ZNF521: variants seen among roughly 807,000 people sequenced by gnomAD.
ZNF521 encodes LYST-interacting protein 3.
ZNF521 carries 14 observed loss-of-function variants against 105.5 expected under a neutral mutation model. The observed-to-expected ratio is 0.13, with a 90% CI of 0.09 to 0.21. ZNF521 has a LOEUF of 0.21. Among genes scored for constraint, ZNF521 ranks in the 10% least tolerant of loss-of-function variants. The pLI is 1.00. For missense variants in ZNF521, 1,233 were observed against 1,629.7 expected, an observed-to-expected ratio of 0.76 and a Z score of 4.19; for synonymous variants, 635 against 606.0, an observed-to-expected ratio of 1.05 and a Z score of -0.70.
intron 5 of ZNF521, among the ~76,000 whole-genome samples, chr18:25,105,367 T>G (rs1011568935): frequency 3.9e-5 from 6 of 152,172 alleles, no homozygotes; most frequent in African/African-American, 1.4e-4. Context: ...CTGCAAAATA[T>G]CAGACTTTGT....
intron 5 of ZNF521, among the ~76,000 whole-genome samples, chr18:25,190,485 C>G (rs1324381108): frequency 6.6e-6 from 1 of 152,108 alleles, no homozygotes; most frequent in African/African-American, 2.4e-5. Flanking sequence ...ATGCAAAGAT[C>G]CATATATTTG....
chr18:25,214,102 C>T (rs544686244), intron 4 of ZNF521, among the ~76,000 whole-genome samples: 10 of 152,176 alleles, frequency 6.6e-5, no homozygotes, highest in Admixed American at 2.0e-4. Flanking sequence ...ATCCAGGTAA[C>T]GCCTTGCTTT....
At chr18:25,256,498 G>T (rs148003281) in intron 3 of ZNF521, among the ~76,000 whole-genome samples, 2 of 152,230 alleles carry the variant, frequency 1.3e-5, no homozygotes, top group East Asian at 1.9e-4. Context: ...AGACAGTGAC[G>T]ATTCCAAGGA....
intron 5 of ZNF521, among the ~76,000 whole-genome samples, chr18:25,119,313 C>T (rs1407729098): frequency 3.3e-5 from 5 of 152,130 alleles, no homozygotes; most frequent in Admixed American, 2.6e-4. Flanking sequence ...CTCTCAACCA[C>T]CTTGACCTAA....
rs189817702 is a variant in ZNF521 at position 25,312,388 on chromosome 18, G to A, written c.220+9620C>T. ...ATATCAAGAAGAGAATGGCAGACCAGGTACTAATATTCAAAAACTTCTGCT... is the reference window on the plus strand; with the variant it reads ...ATATCAAGAAGAGAATGGCAGACCAAGTACTAATATTCAAAAACTTCTGCT... On this transcript the variant is annotated intron_variant, in intron 3 of 7. Coordinates refer to ENST00000361524, the MANE Select transcript of ZNF521 (RefSeq NM_015461.3). 2.6e-5 allele frequency among the ~76,000 whole-genome samples: 4 copies of A among 152,238 alleles called. No individual in the cohort carries two copies. The East Asian group carries it at 5.8e-4, about 22-fold the overall frequency.
At chr18:25,093,997 AC>A (rs1218841942) in intron 5 of ZNF521, among the ~76,000 whole-genome samples, 1 of 152,194 alleles carries the variant, frequency 6.6e-6, no homozygotes, top group African/African-American at 2.4e-5. Flanking sequence ...AATGCTACAT[AC>A]CTTTATTTTG....
chr18:25,130,957 T>A (rs2034630983), intron 5 of ZNF521, among the ~76,000 whole-genome samples: 1 of 151,742 alleles, frequency 6.6e-6, no homozygotes, highest in Non-Finnish European at 1.5e-5. Context: ...AATCAATCAA[T>A]CAATCAATCA....
chr18:25,096,676 C>G (rs1165482860), intron 5 of ZNF521, among the ~76,000 whole-genome samples: 1 of 152,158 alleles, frequency 6.6e-6, no homozygotes, highest in African/African-American at 2.4e-5. Flanking sequence ...CCCCTTATAT[C>G]GTCTGATCAA....
intron 7 of ZNF521, among the ~76,000 whole-genome samples, chr18:25,081,299 G>A (rs1007719052): frequency 1.7e-4 from 26 of 152,200 alleles, no homozygotes; most frequent in African/African-American, 6.0e-4. Context: ...AGGGCTGTTG[G>A]AGGAGGGAGC....
chr18:25,206,895 G>C (rs961156214), intron 4 of ZNF521, among the ~76,000 whole-genome samples: 1 of 152,084 alleles, frequency 6.6e-6, no homozygotes, highest in Non-Finnish European at 1.5e-5. Context: ...TGTACTCTTA[G>C]TAAATTTTTT....
chr18:25,280,904 T>G (rs1910330499), intron 3 of ZNF521, among the ~76,000 whole-genome samples: 1 of 152,150 alleles, frequency 6.6e-6, no homozygotes, highest in Admixed American at 6.5e-5. Context: ...ATACAAGGGC[T>G]CATGACAAAG....
intron 5 of ZNF521, among the ~76,000 whole-genome samples, chr18:25,167,531 C>T (rs146106131): frequency 3.3e-4 from 50 of 152,212 alleles, no homozygotes; most frequent in African/African-American, 1.1e-3. Context: ...TATTTTTGGA[C>T]AAAGGTGGAT....
At chr18:25,116,879 A>ATATACATGTG (rs2034316617) in intron 5 of ZNF521, among the ~76,000 whole-genome samples, 1 of 52,184 alleles carries the variant, frequency 1.9e-5, no homozygotes, top group Non-Finnish European at 6.6e-5. Flanking sequence ...ACGTATATAT[A>ATATACATGTG]TATATATACG....
intron 5 of ZNF521, among the ~76,000 whole-genome samples, chr18:25,100,471 C>T (rs1025417673): frequency 6.6e-5 from 10 of 152,216 alleles, no homozygotes; most frequent in African/African-American, 1.9e-4. Flanking sequence ...CAAAAGCACA[C>T]GTCATATCTG....
chr18:25,305,471 T>C (rs936632182), intron 3 of ZNF521, among the ~76,000 whole-genome samples: 8 of 152,180 alleles, frequency 5.3e-5, no homozygotes, highest in African/African-American at 9.7e-5. Flanking sequence ...CCTTAATTTT[T>C]AATATTTTGT....
intron 4 of ZNF521, among the ~76,000 whole-genome samples, chr18:25,222,005 T>C (rs1351006912): frequency 6.6e-6 from 1 of 152,066 alleles, no homozygotes; most frequent in African/African-American, 2.4e-5. Context: ...AAAATGGCGA[T>C]AGTAACGATG....
chr18:25,278,575 A>G (rs138833988), intron 3 of ZNF521, among the ~76,000 whole-genome samples: 1,539 of 152,274 alleles, frequency 0.01, 14 homozygotes, highest in Middle Eastern at 0.044. Context: ...GTGTCTTGCA[A>G]TTTCATCCCT....
At chr18:25,254,289 T>C (rs1393625460) in intron 3 of ZNF521, among the ~76,000 whole-genome samples, 2 of 152,124 alleles carry the variant, frequency 1.3e-5, no homozygotes, top group Non-Finnish European at 2.9e-5. Flanking sequence ...TATTTTGTCT[T>C]ACAGGTAGAA....
At chr18:25,152,495 A>G (rs2035067838) in intron 5 of ZNF521, among the ~76,000 whole-genome samples, 1 of 151,970 alleles carries the variant, frequency 6.6e-6, no homozygotes, top group African/African-American at 2.4e-5. Flanking sequence ...AAAAAAGAAA[A>G]AAAAAAGAAA....
Sources: gnomAD v4.1 joint callset for allele counts (sites outside exome capture counted in the v4.1 genomes callset) on GRCh38, gnomAD v4.1.1 for gene constraint, MANE v1.5 for transcripts, NCBI Gene and HGNC (gene_info 2026-07-23, HGNC 2026-07-21) for gene names.